ANK2: variants seen among roughly 807,000 people sequenced by gnomAD.
ANK2 encodes ankyrin 2.
Under a neutral mutation model 360.5 loss-of-function variants are expected in ANK2, and 83 were observed. The observed-to-expected ratio is 0.23, with a 90% CI of 0.19 to 0.28. The LOEUF is 0.28. Among genes scored for constraint, ANK2 ranks in the 10% least tolerant of loss-of-function variants. The probability of loss-of-function intolerance (pLI) is 1.00; values close to 1 mark genes in which losing one functional copy is unlikely to be tolerated. For missense variants in ANK2, 4,201 were observed against 4,795.7 expected, an observed-to-expected ratio of 0.88 and a Z score of 3.66; for synonymous variants, 1,740 against 1,759.5, an observed-to-expected ratio of 0.99 and a Z score of 0.28.
At chr4:113,165,609 C>G (rs2097723337) in intron 1 of ANK2, among the ~76,000 whole-genome samples, 1 of 152,086 alleles carries the variant, frequency 6.6e-6, no homozygotes, top group South Asian at 2.1e-4. Context: ...TACCTCCACA[C>G]CAAGAGGAAC....
chr4:113,047,305 G>A (rs2064834802), upstream of ANK2, among the ~76,000 whole-genome samples: 1 of 152,080 alleles, frequency 6.6e-6, no homozygotes, highest in Non-Finnish European at 1.5e-5. Context: ...TTTTTCCCCA[G>A]AGCATTTGTC....
intron 2 of ANK2, among the ~76,000 whole-genome samples, chr4:113,024,753 TG>T (rs1349490870): frequency 2.0e-5 from 3 of 152,200 alleles, no homozygotes; most frequent in Non-Finnish European, 2.9e-5. Context: ...AATTATTGTT[TG>T]ACGCTAGAAG....
the ANK2 span, among the ~76,000 whole-genome samples, chr4:112,751,283 G>A: frequency 6.6e-6 from 1 of 152,040 alleles, no homozygotes; most frequent in South Asian, 2.1e-4. Flanking sequence ...AGCAGCAAGC[G>A]ACCCGTGAAA....
chr4:113,330,162 G>C, intron 26 of ANK2, 84 bp from the exon 27 acceptor site: 1 of 1,294,372 alleles, frequency 7.7e-7, no homozygotes. Flanking sequence ...TTGAGACAAA[G>C]CATTACGAAA....
At chr4:112,720,687 A>G in the ANK2 span, among the ~76,000 whole-genome samples, 1 of 152,356 alleles carries the variant, frequency 6.6e-6, no homozygotes, top group Non-Finnish European at 1.5e-5. Flanking sequence ...AATTGAAATT[A>G]AAGTCTTACA....
intron 1 of ANK2, among the ~76,000 whole-genome samples, chr4:113,093,356 T>G (rs1457614191): frequency 2.0e-5 from 3 of 152,106 alleles, no homozygotes; most frequent in Non-Finnish European, 4.4e-5. Flanking sequence ...TGTATTTATA[T>G]TTATTTTATT....
chr4:112,905,629 A>T (rs1014385250), intron 2 of ANK2, among the ~76,000 whole-genome samples: 1 of 152,176 alleles, frequency 6.6e-6, no homozygotes, highest in Non-Finnish European at 1.5e-5. Context: ...TGGTAATGAG[A>T]TAACATTAAT....
chr4:113,090,610 A>C (rs898211542), intron 1 of ANK2, among the ~76,000 whole-genome samples: 5 of 152,222 alleles, frequency 3.3e-5, no homozygotes, highest in African/African-American at 9.6e-5. Context: ...TCTGGGGATT[A>C]GAAAATACTT....
intron 2 of ANK2, among the ~76,000 whole-genome samples, chr4:112,916,271 C>T (rs1259349831): frequency 3.3e-5 from 5 of 152,074 alleles, no homozygotes; most frequent in Non-Finnish European, 7.4e-5. Flanking sequence ...ATATAAGTGA[C>T]AAAAATCTGC....
intron 2 of ANK2, among the ~76,000 whole-genome samples, chr4:112,960,079 G>A (rs1033028949): frequency 2.6e-5 from 4 of 152,178 alleles, no homozygotes; most frequent in Admixed American, 1.3e-4. Flanking sequence ...AATAGCCAAG[G>A]TAGAGACAAA....
intron 1 of ANK2, among the ~76,000 whole-genome samples, chr4:113,139,156 A>G (rs2096549554): frequency 6.6e-6 from 1 of 152,170 alleles, no homozygotes; most frequent in South Asian, 2.1e-4. Context: ...GGCGTGCAAC[A>G]TATAGAACCT....
intron 1 of ANK2, among the ~76,000 whole-genome samples, chr4:113,146,435 T>C (rs2096838538): frequency 6.6e-6 from 1 of 152,344 alleles, no homozygotes; most frequent in East Asian, 1.9e-4. Flanking sequence ...GCTCCCTTAG[T>C]ATCCCAGCTC....
intron 1 of ANK2, among the ~76,000 whole-genome samples, chr4:113,128,099 T>C (rs2095781920): frequency 6.6e-6 from 1 of 152,224 alleles, no homozygotes; most frequent in Non-Finnish European, 1.5e-5. Flanking sequence ...ATGTTTATTT[T>C]CATTAATTGC....
At chr4:112,802,073 C>T in the ANK2 span, among the ~76,000 whole-genome samples, 2 of 151,830 alleles carry the variant, frequency 1.3e-5, no homozygotes, top group African/African-American at 2.4e-5. Flanking sequence ...AGGGTCACTT[C>T]CTGGTTTCCG....
At chr4:113,128,463 T>C (rs2095802852) in intron 1 of ANK2, among the ~76,000 whole-genome samples, 1 of 152,156 alleles carries the variant, frequency 6.6e-6, no homozygotes, top group African/African-American at 2.4e-5. Context: ...AAAATGTCCA[T>C]GAAAATATCA....
intron 1 of ANK2, chr4:113,107,001 T>C (rs774340577): frequency 1.2e-5 from 6 of 500,314 alleles, no homozygotes; most frequent in Non-Finnish European, 2.4e-5. Flanking sequence ...TGGTGTCAAA[T>C]GGTGATTGTT....
chr4:112,898,279 C>T (rs2082291990), intron 1 of ANK2, among the ~76,000 whole-genome samples: 1 of 152,050 alleles, frequency 6.6e-6, no homozygotes, highest in African/African-American at 2.4e-5. Context: ...TAACCAAATG[C>T]CCCTTTTCTC....
At chr4:112,822,860 C>T (rs1204574731) in intron 1 of ANK2, among the ~76,000 whole-genome samples, 1 of 141,998 alleles carries the variant, frequency 7.0e-6, no homozygotes, top group African/African-American at 2.6e-5. Context: ...ATGCTAGACC[C>T]ACAAGAGATT....
At chr4:112,743,342 AG>A in the ANK2 span, among the ~76,000 whole-genome samples, 1 of 152,150 alleles carries the variant, frequency 6.6e-6, no homozygotes, top group Non-Finnish European at 1.5e-5. Flanking sequence ...TCACATTAAA[AG>A]AATGTTAAAA....
Sources: allele counts gnomAD v4.1 joint callset (sites outside exome capture counted in the v4.1 genomes callset), GRCh38; gene constraint gnomAD v4.1.1; transcripts MANE v1.5; gene names NCBI Gene and HGNC (gene_info 2026-07-23, HGNC 2026-07-21).